The following HAO1 variants were observed in gnomAD, a reference collection of about 807,000 sequenced individuals.
The protein encoded by HAO1 is hydroxyacid oxidase 1.
In HAO1, 34 loss-of-function variants were observed where a neutral mutation model predicts 39.7. That is an observed-to-expected ratio of 0.86 (90% confidence interval 0.65 to 1.14). The LOEUF is 1.14. Among genes scored for constraint, HAO1 ranks in the 50% most tolerant of loss-of-function variants. The pLI, the probability that HAO1 is intolerant of heterozygous loss-of-function variation, is 0.00. For synonymous variants in HAO1, 172 were observed against 173.2 expected (o/e 0.99, Z 0.05); for missense variants, 479 against 464.5 (o/e 1.03, Z -0.29).
At chr20:7,935,780 C>A (rs2050407247) in intron 1 of HAO1, among the ~76,000 whole-genome samples, 1 of 152,152 alleles carries the variant, frequency 6.6e-6, no homozygotes, top group African/African-American at 2.4e-5. Flanking sequence ...CAAAATATAT[C>A]TCTCCTATTT....
At chr20:7,909,377 A>ATATATATATATATATATATATG (rs549998637) in intron 3 of HAO1, among the ~76,000 whole-genome samples, 2 of 100,126 alleles carry the variant, frequency 2.0e-5, no homozygotes, top group African/African-American at 1.1e-4. Context: ...ATATATATAT[A>ATATATATATATATATATATATG]TGTATATATA....
At chr20:7,916,739 T>C (rs1036764225) in intron 2 of HAO1, among the ~76,000 whole-genome samples, 5 of 152,356 alleles carry the variant, frequency 3.3e-5, no homozygotes, top group Non-Finnish European at 7.3e-5. Flanking sequence ...AAGATGTTTT[T>C]CATACATGTT....
intron 1 of HAO1, among the ~76,000 whole-genome samples, chr20:7,937,021 CAAA>C (rs2050415939): frequency 6.6e-6 from 1 of 152,010 alleles, no homozygotes; most frequent in Non-Finnish European, 1.5e-5. Flanking sequence ...GTTCAACTGG[CAAA>C]CAGTTGAACC....
At chr20:7,926,184 C>T (rs1376258480) in intron 2 of HAO1, among the ~76,000 whole-genome samples, 2 of 152,008 alleles carry the variant, frequency 1.3e-5, no homozygotes. Flanking sequence ...GGTTCAAACC[C>T]CATCACCACC....
At chr20:7,934,751 G>A in intron 1 of HAO1, 116 bp from the exon 2 acceptor site, 1 of 616,130 alleles carries the variant, frequency 1.6e-6, no homozygotes, top group Admixed American at 3.5e-5. Context: ...TTCCAAACAA[G>A]CAAATGACTT....
At chr20:7,898,217 T>C (rs1349627577) in intron 4 of HAO1, among the ~76,000 whole-genome samples, 6 of 152,136 alleles carry the variant, frequency 3.9e-5, no homozygotes, top group Non-Finnish European at 5.9e-5. Context: ...GCGTTTCGTC[T>C]TCACTACCCT....
intron 3 of HAO1, among the ~76,000 whole-genome samples, chr20:7,908,807 T>C (rs920384324): frequency 6.6e-6 from 1 of 152,162 alleles, no homozygotes; most frequent in Non-Finnish European, 1.5e-5. Context: ...TATATCATAG[T>C]CCTTGGTCTT....
intron 2 of HAO1, among the ~76,000 whole-genome samples, chr20:7,917,015 A>G (rs1184751399): frequency 6.6e-6 from 1 of 152,154 alleles, no homozygotes; most frequent in Non-Finnish European, 1.5e-5. Context: ...TGCTTGGATC[A>G]AAATCCTCCA....
At chr20:7,925,543 G>T (rs1321401576) in intron 2 of HAO1, among the ~76,000 whole-genome samples, 2 of 152,054 alleles carry the variant, frequency 1.3e-5, no homozygotes, top group Non-Finnish European at 2.9e-5. Context: ...TTATTATTCT[G>T]TCATTTTACT....
At position 7,940,351 on chromosome 20, in the gene HAO1, A is replaced by G. The variant is rs2050435351; in HGVS notation, c.72T>C (p.Tyr24=). 6.2e-7 allele frequency: 1 copy of G among 1,611,628 alleles called. No homozygotes were observed. Among genetic ancestry groups the G allele is most frequent in the African/African-American group, 1.3e-5 (1 of 74,956 alleles). Residue 24 remains tyrosine (Y), a synonymous_variant, in exon 1 of 8, where the codon TAT becomes TAC. Coordinates refer to ENST00000378789, the MANE Select transcript of HAO1 (RefSeq NM_017545.3). ...HAKSVLPKSI[Y]DYYRSGANDE... ...CATTTGCCCCAGACCTGTAATAGTC[A>G]TATATAGACTTTGGAAGTACTGATT...
chr20:7,920,145 C>T (rs2050324282), intron 2 of HAO1, among the ~76,000 whole-genome samples: 1 of 152,036 alleles, frequency 6.6e-6, no homozygotes, highest in African/African-American at 2.4e-5. Context: ...TGATTTCCTC[C>T]ATGCTGTTTT....
intron 1 of HAO1, among the ~76,000 whole-genome samples, chr20:7,935,165 ATGT>A (rs1373126930): frequency 6.6e-6 from 1 of 152,186 alleles, no homozygotes; most frequent in Non-Finnish European, 1.5e-5. Flanking sequence ...AGATTTTCTC[ATGT>A]TGTTGTACGT....
intron 4 of HAO1, among the ~76,000 whole-genome samples, chr20:7,896,037 A>C (rs1236683975): frequency 1.3e-5 from 2 of 151,980 alleles, no homozygotes; most frequent in East Asian, 3.9e-4. Flanking sequence ...GCACCACTGC[A>C]CTCCAGCCTG....
At chr20:7,930,938 C>T (rs551383297) in intron 2 of HAO1, among the ~76,000 whole-genome samples, 1 of 152,144 alleles carries the variant, frequency 6.6e-6, no homozygotes, top group Admixed American at 6.6e-5. Context: ...GCAAGTAACC[C>T]ACTGTCCCAC....
intron 1 of HAO1, among the ~76,000 whole-genome samples, chr20:7,936,119 C>A (rs1236829795): frequency 1.3e-5 from 2 of 152,168 alleles, no homozygotes; most frequent in Non-Finnish European, 1.5e-5. Flanking sequence ...GTAATCTAAC[C>A]CTTCCTCACA....
chr20:7,885,862 A>T lies in HAO1; in HGVS notation c.816T>A (p.Ile272=). 1 of 1,612,574 alleles carries T rather than the reference A, an allele frequency of 6.2e-7. No individual in the cohort carries two copies. The highest frequency in any genetic ancestry group is 8.5e-7 in the Non-Finnish European group (1 of 1,178,912). ...CCTCCACAATTTCTGGCAGAACATC[A>T]ATCTGGGGAAAGAAAAGTTCAATAA... ...ARQLDGVPAT[I]DVLPEIVEAV... is the part of the protein sequence containing the mutation. Residue 272 remains isoleucine (I), a splice_region_variant and synonymous_variant, in exon 6 of 8, where the codon ATT becomes ATA. Transcript: ENST00000378789.
intron 5 of HAO1, among the ~76,000 whole-genome samples, chr20:7,888,713 T>C (rs1278805590): frequency 6.6e-6 from 1 of 152,204 alleles, no homozygotes; most frequent in East Asian, 1.9e-4. Flanking sequence ...CTCTTTATCT[T>C]CATTTCCTTG....
chr20:7,896,974 A>C (rs1047344290), intron 4 of HAO1, among the ~76,000 whole-genome samples: 1 of 152,058 alleles, frequency 6.6e-6, no homozygotes, highest in African/African-American at 2.4e-5. Flanking sequence ...CATTTGGTTT[A>C]TATTCTCATT....
chr20:7,936,853 ATAG>A (rs2050414892), intron 1 of HAO1, among the ~76,000 whole-genome samples: 1 of 152,146 alleles, frequency 6.6e-6, no homozygotes, highest in African/African-American at 2.4e-5. Flanking sequence ...TATTTTTCAA[ATAG>A]TAGTAACAAC....
Sources: allele counts gnomAD v4.1 joint callset (sites outside exome capture counted in the v4.1 genomes callset), GRCh38; gene constraint gnomAD v4.1.1; transcripts MANE v1.5; gene names NCBI Gene and HGNC (gene_info 2026-07-23, HGNC 2026-07-21).